Variants in BPTF observed in about 807,000 individuals in gnomAD.
BPTF encodes the protein bromodomain PHD finger transcription factor.
Under a neutral mutation model 292.5 loss-of-function variants are expected in BPTF, and 18 were observed. The observed-to-expected ratio is 0.06, with a 90% CI of 0.04 to 0.09. The LOEUF (loss-of-function observed/expected upper bound fraction) is 0.09. Ranked by LOEUF, BPTF falls within the 10% of genes least tolerant of loss-of-function variation. The pLI is 1.00. For missense variants in BPTF, 2,726 were observed against 3,498.7 expected, an observed-to-expected ratio of 0.78 and a Z score of 5.57; for synonymous variants, 1,225 against 1,251.9, an observed-to-expected ratio of 0.98 and a Z score of 0.45.
intron 7 of BPTF, among the ~76,000 whole-genome samples, chr17:67,896,063 C>T (rs189612862): frequency 1.3e-5 from 2 of 151,080 alleles, no homozygotes; most frequent in African/African-American, 2.4e-5. Context: ...CCCGGGTTCA[C>T]GCCATTCTCC....
intron 7 of BPTF, 117 bp downstream of exon 7, chr17:67,894,282 C>A: frequency 1.9e-6 from 2 of 1,058,238 alleles, no homozygotes; most frequent in East Asian, 2.5e-5. Flanking sequence ...TTACTTTTGG[C>A]CTCATTTTCT....
chr17:67,862,685 T>G (rs1454554117), intron 2 of BPTF, among the ~76,000 whole-genome samples: 1 of 152,138 alleles, frequency 6.6e-6, no homozygotes, highest in Non-Finnish European at 1.5e-5. Flanking sequence ...CAAAAAAAAG[T>G]ACTATAAAAC....
At chr17:67,903,642 A>G (rs2061995836) in intron 7 of BPTF, 147 bp from the exon 8 acceptor site, 1 of 618,596 alleles carries the variant, frequency 1.6e-6, no homozygotes. Context: ...GAATTGTACA[A>G]CTACAACTAA....
chr17:67,861,303 TAGTGTAA>T (rs1598301474), intron 2 of BPTF, among the ~76,000 whole-genome samples: 1 of 151,952 alleles, frequency 6.6e-6, no homozygotes, highest in East Asian at 1.9e-4. Flanking sequence ...ACCCCTAAAG[TAGTGTAA>T]CCCCCTACCC....
intron 4 of BPTF, among the ~76,000 whole-genome samples, chr17:67,882,377 A>G (rs2145964770): frequency 6.6e-6 from 1 of 152,314 alleles, no homozygotes; most frequent in East Asian, 1.9e-4. Context: ...TCATCAGTTT[A>G]CATTGACATT....
chr17:67,837,148 A>C (rs1390667027), intron 1 of BPTF, among the ~76,000 whole-genome samples: 1 of 152,186 alleles, frequency 6.6e-6, no homozygotes, highest in African/African-American at 2.4e-5. Flanking sequence ...TTATTAATAC[A>C]TAACTGCATT....
intron 2 of BPTF, among the ~76,000 whole-genome samples, chr17:67,862,549 C>T (rs2059147785): frequency 6.6e-6 from 1 of 152,110 alleles, no homozygotes; most frequent in Non-Finnish European, 1.5e-5. Flanking sequence ...ATTCTGGCTC[C>T]AGAATGTGTG....
Position 67,940,550 on chromosome 17 carries a change from C to T in BPTF, c.6371C>T (p.Ala2124Val), listed in dbSNP as rs782257112. 2.5e-6 allele frequency: 4 copies of T among 1,614,012 alleles called. No homozygotes were observed. The African/African-American group carries it at 5.3e-5, about 22-fold the overall frequency. The stretch of plus-strand genomic sequence containing the variant: ...CCTGGGCAGAAAAGCTTAACTTCAG[C>T]AACGTCCACTTCAAATATACAGTCT... ...STPGQKSLTSATSTSNIQSSA... is the reference protein window; with the variant it reads ...STPGQKSLTSVTSTSNIQSSA... The change falls in exon 19 of 28, where the codon GCA (alanine) becomes GTA (valine). Residue 2124 changes from alanine to valine, a missense_variant. Physicochemically the swap from Ala to Val is moderately conservative, Grantham distance 64 (BLOSUM62 0). This residue lies in a region of BPTF where 570 missense variants were observed against 633.5 expected (regional missense o/e 0.90). Transcript: ENST00000306378.
chr17:67,888,425 A>G (rs1420464606), intron 4 of BPTF, among the ~76,000 whole-genome samples: 1 of 151,880 alleles, frequency 6.6e-6, no homozygotes, highest in East Asian at 1.9e-4. Context: ...TGTCTCTACT[A>G]AAAATACAAA....
At chr17:67,859,757 AT>A (rs2058964292) in intron 2 of BPTF, among the ~76,000 whole-genome samples, 1 of 152,204 alleles carries the variant, frequency 6.6e-6, no homozygotes, top group Admixed American at 6.5e-5. Context: ...ATCTTTAAAG[AT>A]TTGAAATAAA....
Position 67,909,769 on chromosome 17 carries a change from G to C in BPTF, c.2992+8G>C, listed in dbSNP as rs776184785. ...CTGAGAAGAAGGACCAAGGTAAGGAGAGTCAGCTGTGGAGGGCAGCCTGGG... is the reference window on the plus strand; with the variant it reads ...CTGAGAAGAAGGACCAAGGTAAGGACAGTCAGCTGTGGAGGGCAGCCTGGG... On this transcript the variant is annotated splice_region_variant and intron_variant, in intron 10 of 27. Transcript: ENST00000306378. The C allele has an allele frequency of 1.9e-6, 3 of 1,542,370 alleles. No homozygotes were observed.
intron 2 of BPTF, among the ~76,000 whole-genome samples, chr17:67,864,997 C>G (rs561264911): frequency 1.5e-3 from 221 of 151,940 alleles, no homozygotes; most frequent in Non-Finnish European, 2.7e-3. Context: ...TAGTAGAGAC[C>G]GGGTTTCACC....
intron 27 of BPTF, among the ~76,000 whole-genome samples, chr17:67,979,900 TGTG>T (rs1243357232): frequency 6.6e-6 from 1 of 150,894 alleles, no homozygotes; most frequent in Non-Finnish European, 1.5e-5. Flanking sequence ...ATTAGCTAGG[TGTG>T]GTGGTGCACG....
intron 11 of BPTF, among the ~76,000 whole-genome samples, chr17:67,916,367 A>G (rs976093820): frequency 1.3e-5 from 2 of 152,160 alleles, no homozygotes; most frequent in Admixed American, 1.3e-4. Flanking sequence ...AGGCAGGTGG[A>G]TCACCTGAGG....
chr17:67,838,953 C>CT (rs1567869644), intron 1 of BPTF, among the ~76,000 whole-genome samples: 1 of 152,088 alleles, frequency 6.6e-6, no homozygotes, highest in African/African-American at 2.4e-5. Context: ...GCCACCTATT[C>CT]TTTTTTCTAA....
At chr17:67,974,041 T>C (rs2069105447) in intron 26 of BPTF, 1 of 152,320 alleles carries the variant, frequency 6.6e-6, no homozygotes, top group East Asian at 1.9e-4. Flanking sequence ...GGTATTCTAG[T>C]ACTTTTATTT....
At chr17:67,931,874 A>G in intron 17 of BPTF, 37 bp from the exon 18 acceptor site, 2 of 1,497,896 alleles carry the variant, frequency 1.3e-6, no homozygotes, top group East Asian at 4.5e-5. Flanking sequence ...AATCTTTTTA[A>G]AGCATTTTAA....
intron 4 of BPTF, chr17:67,886,133 C>T (rs1483774819): frequency 2.6e-6 from 4 of 1,537,768 alleles, no homozygotes; most frequent in Non-Finnish European, 2.6e-6. Context: ...TCTAGAAGAA[C>T]CTAACAAGAC....
intron 13 of BPTF, among the ~76,000 whole-genome samples, chr17:67,922,583 G>A (rs1233011377): frequency 6.6e-6 from 1 of 152,062 alleles, no homozygotes; most frequent in East Asian, 1.9e-4. Context: ...TATTTTGGGG[G>A]TCAGCAAACC....
Sources: allele counts gnomAD v4.1 joint callset (sites outside exome capture counted in the v4.1 genomes callset), GRCh38; gene constraint gnomAD v4.1.1; regional missense constraint gnomAD v4.1.1; transcripts MANE v1.5; gene names NCBI Gene and HGNC (gene_info 2026-07-23, HGNC 2026-07-21).